The following R3HDM1 variants were observed in gnomAD, a reference collection of about 807,000 sequenced individuals.
The protein encoded by R3HDM1 is R3H domain-containing protein 1.
Under a neutral mutation model 141.1 loss-of-function variants are expected in R3HDM1, and 46 were observed. That is an observed-to-expected ratio of 0.33 (90% CI 0.26 to 0.42). R3HDM1 has a LOEUF of 0.42. Among genes scored for constraint, R3HDM1 ranks in the 10% least tolerant of loss-of-function variants. The pLI is 1.00. For missense variants in R3HDM1, 1,184 were observed against 1,368.3 expected (o/e 0.87, Z 2.12); for synonymous variants, 435 against 472.9 (o/e 0.92, Z 1.04).
At chr2:135,594,545 T>C (rs570008736) in intron 1 of R3HDM1, among the ~76,000 whole-genome samples, 6 of 152,270 alleles carry the variant, frequency 3.9e-5, no homozygotes, top group African/African-American at 1.4e-4. Flanking sequence ...GAACCACCCC[T>C]TAGTGACTCA....
chr2:135,561,865 C>A (rs1318316945), intron 1 of R3HDM1, among the ~76,000 whole-genome samples: 2 of 151,986 alleles, frequency 1.3e-5, no homozygotes, highest in African/African-American at 2.4e-5. Flanking sequence ...TAGTATAAAA[C>A]AATAAAATGA....
At chr2:135,583,062 A>G (rs1023716105) in intron 1 of R3HDM1, among the ~76,000 whole-genome samples, 2 of 152,120 alleles carry the variant, frequency 1.3e-5, no homozygotes, top group African/African-American at 4.8e-5. Context: ...TGGCTAATGT[A>G]TTTTTATCAC....
chr2:135,580,237 A>C (rs1348265568), intron 1 of R3HDM1, among the ~76,000 whole-genome samples: 1 of 152,168 alleles, frequency 6.6e-6, no homozygotes, highest in Non-Finnish European at 1.5e-5. Flanking sequence ...GGCAAGAGGG[A>C]CACCCTGTCT....
intron 18 of R3HDM1, among the ~76,000 whole-genome samples, chr2:135,659,619 G>C (rs760352023): frequency 2.8e-4 from 42 of 151,970 alleles, no homozygotes; most frequent in Admixed American, 1.3e-4. Flanking sequence ...TTAATTTTCA[G>C]TAGTGATAGG....
chr2:135,698,121 G>T (rs2073552572), intron 21 of R3HDM1, among the ~76,000 whole-genome samples: 1 of 149,802 alleles, frequency 6.7e-6, no homozygotes, highest in African/African-American at 2.4e-5. Context: ...TGTTAGAGGT[G>T]CATGAGACGG....
chr2:135,626,193 G>GCTTGCTTGCT (rs1239160266), intron 7 of R3HDM1, among the ~76,000 whole-genome samples: 52 of 128,274 alleles, frequency 4.1e-4, no homozygotes, highest in African/African-American at 1.8e-3. Flanking sequence ...GCGTGCGTGC[G>GCTTGCTTGCT]TGCGTGCGTG....
At chr2:135,598,591 A>C (rs2059378710) in intron 1 of R3HDM1, among the ~76,000 whole-genome samples, 1 of 152,152 alleles carries the variant, frequency 6.6e-6, no homozygotes, top group Non-Finnish European at 1.5e-5. Flanking sequence ...TTCCATACTT[A>C]CTGGCTGTGT....
intron 24 of R3HDM1, among the ~76,000 whole-genome samples, chr2:135,718,575 C>T (rs2076387717): frequency 6.6e-6 from 1 of 152,102 alleles, no homozygotes; most frequent in Admixed American, 6.6e-5. Flanking sequence ...CTTAACCTCC[C>T]CGGGCTCAGA....
intron 9 of R3HDM1, among the ~76,000 whole-genome samples, 194 bp from the exon 10 acceptor site, chr2:135,635,696 C>T (rs2063183324): frequency 6.6e-6 from 1 of 152,126 alleles, no homozygotes; most frequent in African/African-American, 2.4e-5. Context: ...GGCCTCTCAA[C>T]CATAACATGG....
intron 21 of R3HDM1, among the ~76,000 whole-genome samples, chr2:135,698,756 A>G (rs968979277): frequency 3.3e-5 from 5 of 152,050 alleles, no homozygotes; most frequent in East Asian, 3.9e-4. Context: ...CACGTCTTAC[A>G]TGGCTGGAGC....
At chr2:135,560,048 A>T (rs1247015152) in intron 1 of R3HDM1, among the ~76,000 whole-genome samples, 1 of 152,086 alleles carries the variant, frequency 6.6e-6, no homozygotes, top group East Asian at 1.9e-4. Context: ...CAAATGACAA[A>T]TTTTCCCTGC....
chr2:135,702,824 CAT>C (rs2074415944), intron 21 of R3HDM1, among the ~76,000 whole-genome samples: 1 of 151,852 alleles, frequency 6.6e-6, no homozygotes, highest in African/African-American at 2.4e-5. Flanking sequence ...AAAAGAAAAA[CAT>C]ATAGAGTAAA....
intron 3 of R3HDM1, chr2:135,608,070 C>T (rs1276085810): frequency 1.3e-6 from 1 of 773,190 alleles, no homozygotes; most frequent in Non-Finnish European, 1.6e-6. Context: ...AATCCCAGCA[C>T]TTTGGGAGGC....
At chr2:135,563,825 A>G (rs1702235948) in intron 1 of R3HDM1, among the ~76,000 whole-genome samples, 1 of 152,302 alleles carries the variant, frequency 6.6e-6, no homozygotes, top group East Asian at 1.9e-4. Flanking sequence ...GGTAACTTAT[A>G]AAGAAAAGTG....
At chr2:135,656,183 A>G (rs1053440606) in intron 18 of R3HDM1, among the ~76,000 whole-genome samples, 1 of 152,064 alleles carries the variant, frequency 6.6e-6, no homozygotes, top group African/African-American at 2.4e-5. Context: ...CTTGAAACCT[A>G]TTTTATCTGA....
intron 1 of R3HDM1, among the ~76,000 whole-genome samples, chr2:135,597,486 CTCT>C (rs2059286264): frequency 6.6e-6 from 1 of 152,212 alleles, no homozygotes; most frequent in Non-Finnish European, 1.5e-5. Flanking sequence ...ATAAACAGTG[CTCT>C]TCGCCTTTCT....
At position 135,724,077 on chromosome 2, in the gene R3HDM1, C is replaced by T; in HGVS notation, c.3190C>T (p.Pro1064Ser). Residue 1064 changes from proline to serine, a missense_variant, in exon 27 of 27, where the codon CCC becomes TCC. Pro to Ser is a moderately conservative substitution (Grantham distance 74, BLOSUM62 -1). This residue lies in a region of R3HDM1 where 182 missense variants were observed against 252.6 expected (regional missense o/e 0.72). Coordinates refer to ENST00000683871, the MANE Select transcript of R3HDM1 (RefSeq NM_001378107.1). ...CCCCCAGTCCCAACCACGTCGTCAC[C>T]CCCTCTGCTGTGGCAGTGGGGACAA... ...RDPQSQPRRH[P>S]LCCGSGDNTA... is the part of the protein sequence containing the mutation. 6.2e-7 allele frequency: 1 copy of T among 1,614,098 alleles called. No individual in the cohort carries two copies. The highest frequency in any genetic ancestry group is 8.5e-7 in the Non-Finnish European group (1 of 1,180,014).
intron 1 of R3HDM1, among the ~76,000 whole-genome samples, chr2:135,600,422 C>G (rs938119340): frequency 1.3e-5 from 2 of 152,086 alleles, no homozygotes; most frequent in African/African-American, 4.8e-5. Flanking sequence ...GGATTCTGAC[C>G]AGAGAAGACA....
At chr2:135,599,860 CGT>C (rs2059479222) in intron 1 of R3HDM1, among the ~76,000 whole-genome samples, 1 of 151,848 alleles carries the variant, frequency 6.6e-6, no homozygotes, top group African/African-American at 2.4e-5. Context: ...AGCAAGACCC[CGT>C]CTCTACAAAA....
Sources: allele counts gnomAD v4.1 joint callset (sites outside exome capture counted in the v4.1 genomes callset), GRCh38; gene constraint gnomAD v4.1.1; regional missense constraint gnomAD v4.1.1; transcripts MANE v1.5; gene names NCBI Gene and HGNC (gene_info 2026-07-23, HGNC 2026-07-21).